Variants in FOCAD observed in about 807,000 individuals in gnomAD.
FOCAD encodes KIAA1797.
In FOCAD, 198 loss-of-function variants were observed where a neutral mutation model predicts 225.6. The observed-to-expected ratio is 0.88, with a 90% confidence interval of 0.78 to 0.99. The LOEUF is 0.99. FOCAD is among the 50% of genes least tolerant of loss of function. The pLI, the probability that FOCAD is intolerant of heterozygous loss-of-function variation, is 0.00. For missense variants in FOCAD, 2,713 were observed against 2,123.6 expected, an observed-to-expected ratio of 1.28 and a Z score of -5.46; for synonymous variants, 897 against 755.0, an observed-to-expected ratio of 1.19 and a Z score of -3.08.
intron 35 of FOCAD, among the ~76,000 whole-genome samples, chr9:20,955,809 T>G (rs193088608): frequency 6.6e-6 from 1 of 152,342 alleles, no homozygotes; most frequent in East Asian, 1.9e-4. Flanking sequence ...GATCATAGGC[T>G]GTTCATATCT....
intron 19 of FOCAD, among the ~76,000 whole-genome samples, chr9:20,880,205 C>G (rs556470683): frequency 5.4e-4 from 82 of 152,180 alleles, no homozygotes; most frequent in Non-Finnish European, 8.4e-4. Context: ...AATAAAGAAC[C>G]TATTTACAGT....
At chr9:20,903,302 T>A (rs1333159883) in intron 21 of FOCAD, among the ~76,000 whole-genome samples, 3 of 151,902 alleles carry the variant, frequency 2.0e-5, no homozygotes, top group Non-Finnish European at 4.4e-5. Flanking sequence ...GGTAGAAAAA[T>A]TACATAGTTA....
chr9:20,918,702 T>C (rs950626014), intron 24 of FOCAD, among the ~76,000 whole-genome samples: 2 of 148,986 alleles, frequency 1.3e-5, no homozygotes, highest in Non-Finnish European at 3.0e-5. Context: ...CCAGCCTGGG[T>C]GACAGAGCGA....
At position 20,881,914 on chromosome 9, in the gene FOCAD, G is replaced by A; in HGVS notation, c.2361G>A (p.Val787=). The A allele has an allele frequency of 6.2e-7, 1 of 1,613,756 alleles. No homozygotes were observed. The highest frequency in any genetic ancestry group is 8.5e-7 in the Non-Finnish European group (1 of 1,179,818). Residue 787 remains valine, a synonymous_variant, in exon 20 of 44, where the codon GTG becomes GTA. Coordinates refer to ENST00000338382, the MANE Select transcript of FOCAD (RefSeq NM_001375567.1). ...CATCACTTGTGAAGCAAGAAATGGT[G>A]AATATGCCTCGTGGGATATATCACT... ...FFTSLVKQEM[V]NMPRGIYHSA...
At chr9:20,917,144 A>G (rs570530587) in intron 24 of FOCAD, among the ~76,000 whole-genome samples, 1 of 152,254 alleles carries the variant, frequency 6.6e-6, no homozygotes, top group African/African-American at 2.4e-5. Flanking sequence ...AAGGATTGGT[A>G]CTAACATATA....
rs4977812 is a variant in FOCAD at position 20,916,829 on chromosome 9, A to C, written c.2808-64A>C. On this transcript the variant is annotated intron_variant, in intron 23 of 43. Transcript: ENST00000338382. ...CTGGAGGTTCTTATTAATTGATGAA[A>C]AAGAGAAAGGAATGATTTCTTGTTC... is the stretch of plus-strand genomic sequence containing the variant. 485,108 of 1,443,450 alleles carry C rather than the reference A, an allele frequency of 0.34. 83,301 individuals carry two copies. Among genetic ancestry groups the C allele is most frequent in the East Asian group, 0.45 (19,018 of 41,892 alleles). The allele number at this position is 1,443,450 out of a possible 1,614,324, so 89.4% of individuals were successfully genotyped here. A position where few individuals can be genotyped will look rare whatever the true frequency, so the allele number is the denominator to read the frequency against.
chr9:20,883,836 A>G, intron 20 of FOCAD, among the ~76,000 whole-genome samples: 1 of 152,248 alleles, frequency 6.6e-6, no homozygotes, highest in South Asian at 2.1e-4. Context: ...ATCAGTATTT[A>G]AACTTCCAAC....
At chr9:20,955,241 T>G (rs1283642336) in intron 35 of FOCAD, among the ~76,000 whole-genome samples, 1 of 152,158 alleles carries the variant, frequency 6.6e-6, no homozygotes, top group Non-Finnish European at 1.5e-5. Context: ...GAAAGAAATG[T>G]GATGGGCCAT....
intron 1 of FOCAD, among the ~76,000 whole-genome samples, chr9:20,701,699 C>T (rs1196834628): frequency 1.3e-5 from 2 of 152,148 alleles, no homozygotes; most frequent in African/African-American, 4.8e-5. Flanking sequence ...AGATGTATTG[C>T]TGGTGATGGT....
chr9:20,854,237 A>G (rs1047716214), intron 15 of FOCAD, among the ~76,000 whole-genome samples: 11 of 151,834 alleles, frequency 7.2e-5, no homozygotes, highest in Non-Finnish European at 1.5e-4. Flanking sequence ...CTGCAAAAGA[A>G]CAAAGTCATT....
intron 23 of FOCAD, among the ~76,000 whole-genome samples, 154 bp from the exon 24 acceptor site, chr9:20,916,739 T>G (rs1047005041): frequency 6.6e-6 from 1 of 152,228 alleles, no homozygotes; most frequent in Non-Finnish European, 1.5e-5. Context: ...AGCAGAGCCC[T>G]TATTACAGTT....
rs917276840 is a variant in FOCAD, at chr9:20,881,804, G to A, written c.2318-67G>A. ...GCTTAGTTGTTTGTATATGAGTTAA[G>A]AACGCATGTTTCTCTTCTAGCTTAT... On this transcript the variant is annotated intron_variant, in intron 19 of 43. Coordinates refer to ENST00000338382, the MANE Select transcript of FOCAD (RefSeq NM_001375567.1). 1.1e-5 allele frequency: 16 copies of A among 1,503,594 alleles called. No homozygotes were observed. In the African/African-American group the frequency reaches 1.5e-4, roughly 15 times the overall value. 93.1% of individuals were successfully genotyped at this position (1,503,594 alleles called of 1,614,324 possible). A position where few individuals can be genotyped will look rare whatever the true frequency, so the allele number is the denominator to read the frequency against.
chr9:20,820,271 G>A lies in FOCAD; in HGVS notation c.1561-53G>A, dbSNP rs183445055. The A allele has an allele frequency of 4.8e-5, 65 of 1,356,816 alleles. No homozygotes were observed. In the African/African-American group the frequency reaches 7.5e-4, roughly 16 times the overall value. 84.0% of individuals were successfully genotyped at this position (1,356,816 alleles called of 1,614,324 possible). A position where few individuals can be genotyped will look rare whatever the true frequency, so the allele number is the denominator to read the frequency against. On this transcript the variant is annotated intron_variant, in intron 12 of 43. Coordinates refer to ENST00000338382, the MANE Select transcript of FOCAD (RefSeq NM_001375567.1). ...GTTTAAAAATGCTTTTGGTAACCTC[G>A]AGGTTGTCTGCATTCAAGTTTATGC...
chr9:20,930,812 A>G lies in FOCAD; in HGVS notation c.3317+1216A>G, dbSNP rs143982841. Among the ~76,000 whole-genome samples, 66 of 152,326 alleles carry G rather than the reference A, an allele frequency of 4.3e-4. No individual in the cohort carries two copies. The East Asian group carries it at 0.013, about 29-fold the overall frequency. On this transcript the variant is annotated intron_variant, in intron 27 of 43. Transcript: ENST00000338382. ...AATATAGGTCTTGTTCTGGAGATGA[A>G]TAAAAAACTGCCCTTTGCATGTGAT... is the stretch of plus-strand genomic sequence containing the variant.
chr9:20,770,476 C>T (rs966367066), intron 8 of FOCAD, among the ~76,000 whole-genome samples: 3 of 152,120 alleles, frequency 2.0e-5, no homozygotes, highest in Admixed American at 6.5e-5. Context: ...AGAGGAGTGG[C>T]GAGATACTAC....
At chr9:20,822,493 C>T (rs1303670172) in intron 14 of FOCAD, among the ~76,000 whole-genome samples, 1 of 151,862 alleles carries the variant, frequency 6.6e-6, no homozygotes, top group Non-Finnish European at 1.5e-5. Flanking sequence ...GAGATAGGAG[C>T]TCAGTCGGTT....
At chr9:20,969,753 A>T (rs1839600985) in intron 35 of FOCAD, among the ~76,000 whole-genome samples, 1 of 150,754 alleles carries the variant, frequency 6.6e-6, no homozygotes, top group Non-Finnish European at 1.5e-5. Context: ...AATGGCTTTT[A>T]TATTTACCTA....
At chr9:20,702,795 G>A (rs1377526137) in intron 1 of FOCAD, among the ~76,000 whole-genome samples, 2 of 152,156 alleles carry the variant, frequency 1.3e-5, no homozygotes, top group African/African-American at 2.4e-5. Context: ...TTGTTGTGAG[G>A]ATCTCGTGGA....
intron 24 of FOCAD, among the ~76,000 whole-genome samples, chr9:20,919,943 A>G (rs918739142): frequency 9.2e-5 from 14 of 152,070 alleles, no homozygotes; most frequent in African/African-American, 3.1e-4. Flanking sequence ...AATGGCAACA[A>G]AAGCCAAAAT....
Sources: gnomAD v4.1 joint callset for allele counts (sites outside exome capture counted in the v4.1 genomes callset) on GRCh38, gnomAD v4.1.1 for gene constraint, MANE v1.5 for transcripts, NCBI Gene and HGNC (gene_info 2026-07-23, HGNC 2026-07-21) for gene names.